Variants in MIS18BP1 observed in about 807,000 individuals in gnomAD.
The protein encoded by MIS18BP1 is mis18-binding protein 1.
MIS18BP1 carries 72 observed loss-of-function variants against 116.1 expected under a neutral mutation model. The observed-to-expected ratio is 0.62, with a 90% CI of 0.51 to 0.75. The LOEUF (loss-of-function observed/expected upper bound fraction) is 0.75, where lower values mean the gene tolerates loss of function less well. Among genes scored for constraint, MIS18BP1 ranks in the 30% least tolerant of loss-of-function variants. The pLI, the probability that MIS18BP1 is intolerant of heterozygous loss-of-function variation, is 0.00. For synonymous variants in MIS18BP1, 386 were observed against 427.0 expected, an observed-to-expected ratio of 0.90 and a Z score of 1.18; for missense variants, 1,363 against 1,303.2, an observed-to-expected ratio of 1.05 and a Z score of -0.71.
In MIS18BP1 at chr14:45,218,415, C is replaced by CAAAG; in HGVS notation, c.2708_2709insCTTT (p.Trp903CysfsTer15). ...AACCTACAGCCGCAGCTACCTCTGA[C>CAAAG]CAGAAACCAGGTTTGTGCTTTGGAA... is the stretch of plus-strand genomic sequence containing the variant. On this transcript the variant is annotated frameshift_variant, in exon 12 of 17. Transcript: ENST00000310806. LOFTEE classifies it high-confidence loss of function. The CAAAG allele has an allele frequency of 6.2e-7, 1 of 1,612,406 alleles. No homozygotes were observed. Among genetic ancestry groups the CAAAG allele is most frequent in the Non-Finnish European group, 8.5e-7 (1 of 1,179,616 alleles).
chr14:45,250,756 T>G (rs2139262375), intron 1 of MIS18BP1, among the ~76,000 whole-genome samples: 1 of 151,422 alleles, frequency 6.6e-6, no homozygotes, highest in South Asian at 2.1e-4. Context: ...GTGCGGTGGC[T>G]CACGCCTGTA....
intron 6 of MIS18BP1, among the ~76,000 whole-genome samples, chr14:45,234,711 A>C (rs1375605497): frequency 6.6e-6 from 1 of 152,198 alleles, no homozygotes; most frequent in Admixed American, 6.5e-5. Context: ...AGGGACTGTA[A>C]CTTGTTGCTA....
intron 7 of MIS18BP1, 115 bp downstream of exon 7, chr14:45,232,618 A>G (rs773715818): frequency 1.5e-6 from 1 of 658,038 alleles, no homozygotes; most frequent in South Asian, 1.6e-5. Context: ...AACATGACGA[A>G]ACCCCATCTC....
chr14:45,234,453 G>A (rs1206057438), intron 6 of MIS18BP1, among the ~76,000 whole-genome samples: 2 of 152,082 alleles, frequency 1.3e-5, no homozygotes, highest in African/African-American at 4.8e-5. Context: ...AGACAGTAAC[G>A]TGCTAGTTCA....
intron 2 of MIS18BP1, 22 bp from the exon 3 acceptor site, chr14:45,242,896 A>C (rs1262468462): frequency 6.7e-7 from 1 of 1,498,816 alleles, no homozygotes; most frequent in African/African-American, 1.4e-5. Context: ...TTTTTTAAAG[A>C]AAGAAGAAGT....
Position 45,226,754 on chromosome 14 carries a change from C to T in MIS18BP1, c.1829G>A (p.Ser610Asn). The T allele has an allele frequency of 7.2e-7, 1 of 1,393,542 alleles. No homozygotes were observed. Among genetic ancestry groups the T allele is most frequent in the Non-Finnish European group, 9.5e-7 (1 of 1,050,852 alleles). 86.3% of individuals were successfully genotyped at this position (1,393,542 alleles called of 1,614,324 possible). A position where few individuals can be genotyped will look rare whatever the true frequency, so the allele number is the denominator to read the frequency against. ...TAAAGATATATTACCTTGCTTCTGACTTTTTATTATCCTTTCATTTGTTCT... is the reference window on the plus strand; with the variant it reads ...TAAAGATATATTACCTTGCTTCTGATTTTTTATTATCCTTTCATTTGTTCT... ...GERTNERIIK[S>N]QKQETTEELD... is the part of the protein sequence containing the mutation. Residue 610 changes from serine to asparagine, a missense_variant, in exon 10 of 17, where the codon AGT becomes AAT. Ser to Asn is a conservative substitution (Grantham distance 46, BLOSUM62 1). Coordinates refer to ENST00000310806, the MANE Select transcript of MIS18BP1 (RefSeq NM_018353.5).
intron 8 of MIS18BP1, among the ~76,000 whole-genome samples, chr14:45,230,502 G>A (rs1891244404): frequency 6.6e-6 from 1 of 152,144 alleles, no homozygotes; most frequent in African/African-American, 2.4e-5. Context: ...CTTTACAACA[G>A]GTTTGCGGTA....
At position 45,246,964 on chromosome 14, in the gene MIS18BP1, T is replaced by C. The variant is rs777316908; in HGVS notation, c.323A>G (p.Tyr108Cys). 1.1e-5 allele frequency: 17 copies of C among 1,608,750 alleles called. No homozygotes were observed. The highest frequency in any genetic ancestry group is 6.7e-5 in the East Asian group (3 of 44,840). ...NKDGLKNKAN[Y>C]ESPGKIFLRM... ...TAGAAATATTTTTCCTGGTGATTCA[T>C]AGTTTGCTTTATTTTTTAATCCATC... The change falls in exon 2 of 17, where the codon TAT (tyrosine) becomes TGT (cysteine). Residue 108 changes from tyrosine to cysteine, a missense_variant. Tyr to Cys is a radical substitution (Grantham distance 194, BLOSUM62 -2). Coordinates refer to ENST00000310806, the MANE Select transcript of MIS18BP1 (RefSeq NM_018353.5).
chr14:45,249,857 G>C (rs1007830167), intron 1 of MIS18BP1, among the ~76,000 whole-genome samples: 1 of 152,162 alleles, frequency 6.6e-6, no homozygotes, highest in African/African-American at 2.4e-5. Flanking sequence ...CTAGGCGACG[G>C]AGTGAGACTC....
intron 9 of MIS18BP1, among the ~76,000 whole-genome samples, chr14:45,227,399 C>A (rs574190668): frequency 6.6e-6 from 1 of 151,648 alleles, no homozygotes; most frequent in Non-Finnish European, 1.5e-5. Flanking sequence ...CCCAGCTACT[C>A]GGGAAGCTGA....
chr14:45,214,238 A>G (rs763109302), intron 13 of MIS18BP1, among the ~76,000 whole-genome samples: 1 of 152,228 alleles, frequency 6.6e-6, no homozygotes, highest in Non-Finnish European at 1.5e-5. Flanking sequence ...TGGGCAATAG[A>G]ATATCTCAGT....
chr14:45,217,736 A>C (rs545116855), intron 12 of MIS18BP1, among the ~76,000 whole-genome samples: 231 of 152,154 alleles, frequency 1.5e-3, no homozygotes, highest in Non-Finnish European at 4.1e-4. Flanking sequence ...GTGCCTGGCC[A>C]AAAAGATCTT....
rs765334032 is a variant in MIS18BP1 at position 45,246,921 on chromosome 14, T to C, written c.366A>G (p.Val122=). 3.1e-6 allele frequency: 5 copies of C among 1,605,060 alleles called. No homozygotes were observed. In the East Asian group the frequency reaches 8.9e-5, roughly 29 times the overall value. ...ATGGCTGTTCTTGCTTGTCACGCAG[T>C]ACTTTTTCTTTCATTCTTAGAAATA... ...GKIFLRMKEK[V]LRDKQEQPSR... The change falls in exon 2 of 17, where the codon GTA becomes GTG. Residue 122 remains valine (V), a synonymous_variant. Coordinates refer to ENST00000310806, the MANE Select transcript of MIS18BP1 (RefSeq NM_018353.5).
chr14:45,249,036 G>A (rs754691141), intron 1 of MIS18BP1, among the ~76,000 whole-genome samples: 47 of 151,534 alleles, frequency 3.1e-4, no homozygotes, highest in Non-Finnish European at 5.6e-4. Flanking sequence ...CTCCAGAGTA[G>A]CTGGGACCAC....
At chr14:45,209,569 T>G (rs765273480) in intron 14 of MIS18BP1, among the ~76,000 whole-genome samples, 1 of 152,122 alleles carries the variant, frequency 6.6e-6, no homozygotes, top group Non-Finnish European at 1.5e-5. Flanking sequence ...TGGGCTCAAG[T>G]GATCCTCCCA....
intron 2 of MIS18BP1, among the ~76,000 whole-genome samples, chr14:45,245,651 A>C (rs1891703794): frequency 1.3e-5 from 2 of 152,116 alleles, no homozygotes; most frequent in Admixed American, 6.5e-5. Flanking sequence ...GGCATGAGCC[A>C]CCGTGCCCGG....
At chr14:45,232,373 C>T (rs1183924268) in intron 7 of MIS18BP1, 21 of 214,398 alleles carry the variant, frequency 9.8e-5, no homozygotes, top group Admixed American at 6.1e-5. Context: ...GCTGAGATCG[C>T]GCCACTGCAC....
chr14:45,228,864 TA>T (rs1266582042), intron 8 of MIS18BP1, among the ~76,000 whole-genome samples: 2 of 152,182 alleles, frequency 1.3e-5, no homozygotes, highest in Non-Finnish European at 2.9e-5. Flanking sequence ...AACACATACA[TA>T]AAATTACATT....
intron 13 of MIS18BP1, among the ~76,000 whole-genome samples, chr14:45,212,701 C>T (rs183361754): frequency 5.5e-4 from 84 of 152,304 alleles, no homozygotes; most frequent in African/African-American, 1.9e-3. Context: ...CTCCTAAGGA[C>T]ATCCGACTGG....
Sources: gnomAD v4.1 joint callset for allele counts (sites outside exome capture counted in the v4.1 genomes callset) on GRCh38, gnomAD v4.1.1 for gene constraint, MANE v1.5 for transcripts, NCBI Gene and HGNC (gene_info 2026-07-23, HGNC 2026-07-21) for gene names.